Variants in TMEM45A observed in about 807,000 individuals in gnomAD.
TMEM45A encodes DNA polymerase-transactivated protein 4.
In TMEM45A, 25 loss-of-function variants were observed where a neutral mutation model predicts 32.0. That is an observed-to-expected ratio of 0.78 (90% CI 0.57 to 1.09). The LOEUF (loss-of-function observed/expected upper bound fraction) is 1.09. TMEM45A is among the 50% of genes least tolerant of loss of function. TMEM45A has a pLI of 0.00. For missense variants in TMEM45A, 302 were observed against 325.0 expected, an observed-to-expected ratio of 0.93 and a Z score of 0.54; for synonymous variants, 122 against 114.8, an observed-to-expected ratio of 1.06 and a Z score of -0.40.
intron 1 of TMEM45A, among the ~76,000 whole-genome samples, chr3:100,504,521 C>T (rs985706404): frequency 1.3e-5 from 2 of 152,216 alleles, no homozygotes; most frequent in Middle Eastern, 3.2e-3. Flanking sequence ...TGGTTACACC[C>T]TCCAGTAGCT....
At chr3:100,553,304 A>AT (rs879663492) in intron 1 of TMEM45A, among the ~76,000 whole-genome samples, 12 of 152,166 alleles carry the variant, frequency 7.9e-5, no homozygotes, top group East Asian at 1.9e-4. Flanking sequence ...TTTTAATCCT[A>AT]TTTTTTTAAC....
chr3:100,557,118 T>A, intron 3 of TMEM45A, 146 bp downstream of exon 3: 1 of 903,818 alleles, frequency 1.1e-6, no homozygotes, highest in Admixed American at 2.4e-5. Context: ...TTGGGTGTCC[T>A]AGGCAGGGCG....
chr3:100,525,935 C>T (rs1705535143), intron 1 of TMEM45A, among the ~76,000 whole-genome samples: 1 of 152,154 alleles, frequency 6.6e-6, no homozygotes. Flanking sequence ...TTGGAGGTCC[C>T]TGGGCTGGTC....
chr3:100,569,411 G>C (rs969015367), intron 5 of TMEM45A, among the ~76,000 whole-genome samples: 1 of 152,112 alleles, frequency 6.6e-6, no homozygotes, highest in Non-Finnish European at 1.5e-5. Flanking sequence ...TGCCTAATTT[G>C]ACATTGACTA....
At chr3:100,573,100 A>G (rs200585178) in intron 5 of TMEM45A, 1 of 151,684 alleles carries the variant, frequency 6.6e-6, no homozygotes, top group Non-Finnish European at 1.5e-5. Flanking sequence ...TTTTGGTTCC[A>G]TATGAACTTT....
chr3:100,506,059 G>A (rs538018437), intron 1 of TMEM45A, among the ~76,000 whole-genome samples: 1 of 152,286 alleles, frequency 6.6e-6, no homozygotes, highest in East Asian at 1.9e-4. Flanking sequence ...ACCTGTATGT[G>A]GGGAAACTAC....
intron 1 of TMEM45A, among the ~76,000 whole-genome samples, chr3:100,550,464 T>C (rs1706073560): frequency 6.6e-6 from 1 of 152,198 alleles, no homozygotes; most frequent in South Asian, 2.1e-4. Flanking sequence ...AATTTACAAA[T>C]GTATTTTGAA....
At chr3:100,531,505 A>T (rs1300028885) in intron 1 of TMEM45A, among the ~76,000 whole-genome samples, 1 of 152,260 alleles carries the variant, frequency 6.6e-6, no homozygotes, top group Non-Finnish European at 1.5e-5. Context: ...TGCTTTAATT[A>T]TCAAGGGTTA....
At chr3:100,530,914 T>G (rs961526877) in intron 1 of TMEM45A, among the ~76,000 whole-genome samples, 3 of 152,204 alleles carry the variant, frequency 2.0e-5, no homozygotes, top group Middle Eastern at 6.3e-3. Context: ...ACTGATTGCA[T>G]TCCCATGATA....
chr3:100,558,022 A>T (rs372538763), intron 3 of TMEM45A, among the ~76,000 whole-genome samples: 33 of 152,358 alleles, frequency 2.2e-4, no homozygotes, highest in African/African-American at 7.0e-4. Flanking sequence ...TGTCCTGCTT[A>T]GAAGATGCTT....
chr3:100,508,727 T>C (rs774954342), intron 1 of TMEM45A, among the ~76,000 whole-genome samples: 1 of 151,968 alleles, frequency 6.6e-6, no homozygotes, highest in Non-Finnish European at 1.5e-5. Flanking sequence ...CCCTGTTCAA[T>C]AAGTGGTGCT....
intron 1 of TMEM45A, among the ~76,000 whole-genome samples, chr3:100,525,379 T>C (rs1041721827): frequency 2.0e-5 from 3 of 152,328 alleles, no homozygotes; most frequent in African/African-American, 7.2e-5. Flanking sequence ...ATTACATATG[T>C]GTCTTGCACT....
chr3:100,563,649 C>T (rs1429623690), intron 4 of TMEM45A, among the ~76,000 whole-genome samples: 1 of 152,168 alleles, frequency 6.6e-6, no homozygotes, highest in Non-Finnish European at 1.5e-5. Flanking sequence ...GCTTAGATAA[C>T]TGGGCCTTTG....
At chr3:100,546,010 A>G (rs1304175239) in intron 1 of TMEM45A, among the ~76,000 whole-genome samples, 5 of 152,200 alleles carry the variant, frequency 3.3e-5, no homozygotes, top group Non-Finnish European at 7.3e-5. Flanking sequence ...CAAAATTAGA[A>G]CCTTTACCAG....
chr3:100,575,337 G>A (rs991280204), intron 5 of TMEM45A, among the ~76,000 whole-genome samples: 14 of 145,792 alleles, frequency 9.6e-5, no homozygotes, highest in Non-Finnish European at 3.0e-5. Flanking sequence ...ATTATAATCC[G>A]TGCTTCCCCC....
chr3:100,545,003 T>C (rs979911943), intron 1 of TMEM45A, among the ~76,000 whole-genome samples: 1 of 152,240 alleles, frequency 6.6e-6, no homozygotes, highest in African/African-American at 2.4e-5. Context: ...CTTGGAATTG[T>C]CAGTCTTTTA....
Position 100,577,349 on chromosome 3 carries a change from G to C in TMEM45A, c.*331G>C, listed in dbSNP as rs1336916345. On this transcript the variant is annotated 3_prime_UTR_variant, in exon 6 of 6. Coordinates refer to ENST00000323523, the MANE Select transcript of TMEM45A (RefSeq NM_018004.3). ...TTATAGATATGCTCAAGGTTACTGG[G>C]CTTGCTACTATTTGTAACTCCTTGA... 3.1e-5 allele frequency: 6 copies of C among 195,222 alleles called. No homozygotes were observed. In the East Asian group the frequency reaches 9.8e-4, roughly 32 times the overall value. 12.1% of individuals were successfully genotyped at this position (195,222 alleles called of 1,614,324 possible).
chr3:100,499,023 C>T (rs201234879), intron 1 of TMEM45A, among the ~76,000 whole-genome samples: 2 of 152,122 alleles, frequency 1.3e-5, no homozygotes, highest in East Asian at 3.9e-4. Flanking sequence ...ATTTGTAAAT[C>T]TTTTGCCCAT....
chr3:100,551,932 A>G (rs1331086243), intron 1 of TMEM45A, among the ~76,000 whole-genome samples: 1 of 152,088 alleles, frequency 6.6e-6, no homozygotes, highest in Non-Finnish European at 1.5e-5. Flanking sequence ...TTGCCTCCTT[A>G]TTACATCCTG....
Sources: gnomAD v4.1 joint callset for allele counts (sites outside exome capture counted in the v4.1 genomes callset) on GRCh38, gnomAD v4.1.1 for gene constraint, MANE v1.5 for transcripts, NCBI Gene and HGNC (gene_info 2026-07-23, HGNC 2026-07-21) for gene names.